The following APC variants were observed in gnomAD, a reference collection of about 807,000 sequenced individuals.
APC encodes APC regulator of Wnt signaling pathway.
Under a neutral mutation model 247.0 loss-of-function variants are expected in APC, and 72 were observed. That is an observed-to-expected ratio of 0.29 (90% CI 0.24 to 0.35). APC has a LOEUF of 0.35. Ranked by LOEUF, APC falls within the 10% of genes least tolerant of loss-of-function variation. The probability of loss-of-function intolerance (pLI) is 1.00; values close to 1 mark genes in which losing one functional copy is unlikely to be tolerated. For synonymous variants in APC, 1,254 were observed against 1,162.5 expected, an observed-to-expected ratio of 1.08 and a Z score of -1.60; for missense variants, 3,400 against 3,360.7, an observed-to-expected ratio of 1.01 and a Z score of -0.29.
intron 7 of APC, among the ~76,000 whole-genome samples, chr5:112,794,607 A>G (rs762909979): frequency 1.4e-4 from 22 of 152,104 alleles, no homozygotes; most frequent in Admixed American, 3.9e-4. Context: ...CTGTCTATAA[A>G]TTCCACCCCG....
chr5:112,717,123 G>C (rs1751218048), intron 1 of APC, among the ~76,000 whole-genome samples: 1 of 152,092 alleles, frequency 6.6e-6, no homozygotes, highest in South Asian at 2.1e-4. Flanking sequence ...CAATTCTCGT[G>C]CCTCAGCCTC....
At chr5:112,792,670 A>G (rs776286477) in intron 7 of APC, 141 bp downstream of exon 7, 58 of 660,900 alleles carry the variant, frequency 8.8e-5, no homozygotes, top group Non-Finnish European at 1.4e-4. Context: ...TTTTTCGTGA[A>G]ATTAAATTAT....
At chr5:112,794,385 T>G (rs958893700) in intron 7 of APC, among the ~76,000 whole-genome samples, 15 of 152,192 alleles carry the variant, frequency 9.9e-5, no homozygotes, top group African/African-American at 3.6e-4. Context: ...TGACCCCTGT[T>G]AAACCTTTTA....
chr5:112,739,741 G>A (rs1752776478), intron 1 of APC, among the ~76,000 whole-genome samples: 1 of 152,026 alleles, frequency 6.6e-6, no homozygotes. Context: ...AAAATCTGAT[G>A]GAAACTATGG....
intron 9 of APC, among the ~76,000 whole-genome samples, chr5:112,816,247 A>G (rs1306632661): frequency 6.6e-6 from 1 of 152,162 alleles, no homozygotes; most frequent in African/African-American, 2.4e-5. Context: ...TTACCTCCCC[A>G]TGTGATCCAT....
chr5:112,717,106 G>A (rs1005692118), intron 1 of APC, among the ~76,000 whole-genome samples: 2 of 152,050 alleles, frequency 1.3e-5, no homozygotes, highest in Non-Finnish European at 2.9e-5. Flanking sequence ...TGCCTTCCAG[G>A]TTAAAGCAAT....
rs1554083178 is a variant in APC at position 112,835,069 on chromosome 5, C to G, written c.1862C>G (p.Thr621Ser). 2 of 1,614,134 alleles carry G rather than the reference C, an allele frequency of 1.2e-6. No homozygotes were observed. The highest frequency in any genetic ancestry group is 1.7e-6 in the Non-Finnish European group (2 of 1,180,004). ...GALAFLVGTL[T>S]YRSQTNTLAI... is the part of the protein sequence containing the mutation. ...CTTGCATTTTTGGTTGGCACTCTTA[C>G]TTACCGGAGCCAGACAAACACTTTA... Residue 621 changes from threonine (T) to serine (S), a missense_variant, in exon 15 of 16, where the codon ACT becomes AGT. Physicochemically the swap from Thr to Ser is moderately conservative, Grantham distance 58 (BLOSUM62 1). Around this residue, in one of 9 missense-constraint regions of APC, gnomAD observed 184 missense variants for 248.0 expected, o/e 0.74. Transcript: ENST00000257430.
chr5:112,822,332 T>G (rs1165200597), intron 11 of APC, among the ~76,000 whole-genome samples: 2 of 152,196 alleles, frequency 1.3e-5, no homozygotes, highest in African/African-American at 4.8e-5. Context: ...GTAATTTGAA[T>G]TATTTTGAAA....
At chr5:112,723,020 C>G (rs188835809) in intron 1 of APC, among the ~76,000 whole-genome samples, 1 of 152,082 alleles carries the variant, frequency 6.6e-6, no homozygotes, top group Non-Finnish European at 1.5e-5. Flanking sequence ...ACAGGACCCT[C>G]TCTGGAATGA....
chr5:112,751,621 C>A (rs1409751024), intron 1 of APC, among the ~76,000 whole-genome samples: 1 of 151,714 alleles, frequency 6.6e-6, no homozygotes, highest in Non-Finnish European at 1.5e-5. Context: ...GGTTTCTCTC[C>A]CCTATAAATG....
rs2112210 is a variant in APC at position 112,747,248 on chromosome 5, A to G, written c.-18-7625A>G. The stretch of plus-strand genomic sequence containing the variant: ...CATAGGACCTTTTTCTTGAGGGGGG[A>G]AAACCCTGGAAAATTTGATTGCAGA... On this transcript the variant is annotated intron_variant, in intron 1 of 15. Coordinates refer to ENST00000257430, the MANE Select transcript of APC (RefSeq NM_000038.6). Among the ~76,000 whole-genome samples, 7 of 145,760 alleles carry G rather than the reference A, an allele frequency of 4.8e-5. No individual in the cohort carries two copies. The highest frequency in any genetic ancestry group is 7.6e-5 in the African/African-American group (3 of 39,578).
At position 112,767,300 on chromosome 5, in the gene APC, G is replaced by T. The variant is rs786202322; in HGVS notation, c.332G>T (p.Ser111Ile). 6.2e-7 allele frequency: 1 copy of T among 1,614,034 alleles called. No homozygotes were observed. Among genetic ancestry groups the T allele is most frequent in the Non-Finnish European group, 8.5e-7 (1 of 1,180,012 alleles). Residue 111 changes from serine to isoleucine, a missense_variant, in exon 4 of 16, where the codon AGT becomes ATT. Around this residue, in one of 9 missense-constraint regions of APC, gnomAD observed 372 missense variants for 367.6 expected, o/e 1.01. Coordinates refer to ENST00000257430, the MANE Select transcript of APC (RefSeq NM_000038.6). ...GTATCAAGCCGTTCTGGAGAGTGCA[G>T]TCCTGTTCCTATGGGTTCATTTCCA... ...GSVSSRSGEC[S>I]PVPMGSFPRR... is the part of the protein sequence containing the mutation.
chr5:112,709,882 G>A (rs1750748016), intron 1 of APC, among the ~76,000 whole-genome samples: 1 of 152,136 alleles, frequency 6.6e-6, no homozygotes, highest in African/African-American at 2.4e-5. Flanking sequence ...TCCAGTCTGG[G>A]TGACAGTAAG....
intron 6 of APC, among the ~76,000 whole-genome samples, chr5:112,787,167 C>T (rs1033517524): frequency 3.3e-5 from 5 of 152,126 alleles, no homozygotes; most frequent in Admixed American, 2.0e-4. Context: ...AGATTACAGG[C>T]GTGAGCCACC....
upstream of APC, among the ~76,000 whole-genome samples, chr5:112,736,087 G>C (rs1752365737): frequency 6.6e-6 from 1 of 152,148 alleles, no homozygotes; most frequent in Non-Finnish European, 1.5e-5. Flanking sequence ...GGCCTTATGA[G>C]AAATTACCTA....
chr5:112,756,421 C>G (rs1404097966), intron 2 of APC, among the ~76,000 whole-genome samples: 2 of 152,154 alleles, frequency 1.3e-5, no homozygotes, highest in Non-Finnish European at 2.9e-5. Context: ...CATTAGTTGC[C>G]TAACAGGTTA....
Position 112,843,743 on chromosome 5 carries a change from G to A in APC, c.8149G>A (p.Gly2717Ser), listed in dbSNP as rs764260286. ...GNGSVPMRTVGLENRLNSFIQ... is the reference protein window; with the variant it reads ...GNGSVPMRTVSLENRLNSFIQ... ...TGGCAGTGTTCCCATGCGTACCGTG[G>A]GTTTGGAAAATCGCCTGAACTCCTT... Residue 2717 changes from glycine to serine, a missense_variant, in exon 16 of 16, where the codon GGT becomes AGT. Physicochemically the swap from Gly to Ser is moderately conservative, Grantham distance 56 (BLOSUM62 0). Transcript: ENST00000257430. This position sits in a 1 kb window ranked among gnomAD's most constrained non-coding sequence, Gnocchi z 4.8. 6.2e-7 allele frequency: 1 copy of A among 1,614,050 alleles called. No individual in the cohort carries two copies. Among genetic ancestry groups the A allele is most frequent in the African/African-American group, 1.3e-5 (1 of 75,010 alleles).
chr5:112,773,118 C>G (rs77824445), intron 4 of APC, among the ~76,000 whole-genome samples: 1 of 152,146 alleles, frequency 6.6e-6, no homozygotes, highest in African/African-American at 2.4e-5. Context: ...GGCTTCCTTT[C>G]TTCCCAATCA....
intron 6 of APC, among the ~76,000 whole-genome samples, chr5:112,786,886 CTTTTTTT>C (rs1171592849): frequency 4.2e-5 from 5 of 118,132 alleles, no homozygotes; most frequent in East Asian, 2.8e-4. Flanking sequence ...TTTTCTTTTT[CTTTTTTT>C]TTTTTTTTTT....
Sources: allele counts gnomAD v4.1 joint callset (sites outside exome capture counted in the v4.1 genomes callset), GRCh38; gene constraint gnomAD v4.1.1; regional missense constraint gnomAD v4.1.1; non-coding constraint Gnocchi (gnomAD v3.1); transcripts MANE v1.5; gene names NCBI Gene and HGNC (gene_info 2026-07-23, HGNC 2026-07-21).